Variants in SLC24A3 observed in about 807,000 individuals in gnomAD.
SLC24A3 encodes the protein solute carrier family 24 member 3, also known as sodium/potassium/calcium exchanger 3.
SLC24A3 carries 28 observed loss-of-function variants against 75.8 expected under a neutral mutation model. That is an observed-to-expected ratio of 0.37 (90% CI 0.27 to 0.51). The LOEUF is 0.51. Ranked by LOEUF, SLC24A3 falls within the 20% of genes least tolerant of loss-of-function variation. The pLI is 0.94. For synonymous variants in SLC24A3, 372 were observed against 334.1 expected, an observed-to-expected ratio of 1.11 and a Z score of -1.24; for missense variants, 663 against 847.8, an observed-to-expected ratio of 0.78 and a Z score of 2.71.
At chr20:19,460,529 G>A (rs906489592) in intron 2 of SLC24A3, among the ~76,000 whole-genome samples, 5 of 152,184 alleles carry the variant, frequency 3.3e-5, no homozygotes, top group African/African-American at 1.2e-4. Flanking sequence ...TGCGTGCTTT[G>A]TGGTGCAATG....
chr20:19,382,252 G>A (rs1210853690), intron 2 of SLC24A3, among the ~76,000 whole-genome samples: 1 of 152,100 alleles, frequency 6.6e-6, no homozygotes, highest in Non-Finnish European at 1.5e-5. Context: ...CTTATCTGTG[G>A]GCGGAAATGC....
At chr20:19,620,181 G>A (rs2031785333) in intron 6 of SLC24A3, among the ~76,000 whole-genome samples, 1 of 152,144 alleles carries the variant, frequency 6.6e-6, no homozygotes, top group Admixed American at 6.5e-5. Context: ...ATCCACCCAT[G>A]ACACCTTTAC....
chr20:19,326,872 A>C (rs974953251), intron 2 of SLC24A3, among the ~76,000 whole-genome samples: 1 of 152,108 alleles, frequency 6.6e-6, no homozygotes, highest in African/African-American at 2.4e-5. Flanking sequence ...AAAATACAGA[A>C]CAAAGCTTGT....
intron 1 of SLC24A3, among the ~76,000 whole-genome samples, chr20:19,262,354 G>A (rs1203649411): frequency 8.3e-5 from 12 of 144,050 alleles, no homozygotes; most frequent in African/African-American, 2.1e-4. Context: ...GCAGTGAGCC[G>A]AGATCGCGCC....
chr20:19,549,957 A>T (rs1264293901), intron 3 of SLC24A3, among the ~76,000 whole-genome samples: 1 of 152,238 alleles, frequency 6.6e-6, no homozygotes, highest in Non-Finnish European at 1.5e-5. Flanking sequence ...GAAAAACTAC[A>T]TAACCTTCCA....
intron 2 of SLC24A3, among the ~76,000 whole-genome samples, chr20:19,465,642 C>T (rs1367562839): frequency 6.6e-6 from 1 of 152,138 alleles, no homozygotes; most frequent in African/African-American, 2.4e-5. Flanking sequence ...TCTCTGCAGA[C>T]CAACTGTGGC....
At chr20:19,545,757 A>T (rs1015138372) in intron 3 of SLC24A3, among the ~76,000 whole-genome samples, 1 of 151,816 alleles carries the variant, frequency 6.6e-6, no homozygotes, top group South Asian at 2.1e-4. Flanking sequence ...GAGGAGTCAA[A>T]GAACAGTGTA....
intron 2 of SLC24A3, among the ~76,000 whole-genome samples, chr20:19,446,234 C>G (rs998011245): frequency 6.6e-6 from 1 of 152,102 alleles, no homozygotes; most frequent in Non-Finnish European, 1.5e-5. Flanking sequence ...GTTCTGGGAG[C>G]CTTTTAATTA....
chr20:19,528,258 A>G (rs1279558830), intron 3 of SLC24A3, among the ~76,000 whole-genome samples: 1 of 152,144 alleles, frequency 6.6e-6, no homozygotes, highest in Non-Finnish European at 1.5e-5. Context: ...TTGGAACCGG[A>G]TCCCAAAGTG....
intron 2 of SLC24A3, among the ~76,000 whole-genome samples, chr20:19,304,198 A>G (rs1227837044): frequency 6.6e-6 from 1 of 152,232 alleles, no homozygotes; most frequent in East Asian, 1.9e-4. Context: ...ATCAAGTTTT[A>G]CAAATTTACC....
chr20:19,698,370 G>A (rs2032834644), intron 14 of SLC24A3, among the ~76,000 whole-genome samples, 198 bp from the exon 15 acceptor site: 1 of 152,222 alleles, frequency 6.6e-6, no homozygotes, highest in Non-Finnish European at 1.5e-5. Flanking sequence ...TGAAGTAAAG[G>A]TCAACCATTC....
chr20:19,251,042 C>T (rs1982638995), intron 1 of SLC24A3, among the ~76,000 whole-genome samples: 4 of 152,188 alleles, frequency 2.6e-5, no homozygotes, highest in South Asian at 2.1e-4. Context: ...ACATGCCAGC[C>T]ACCACTCTTC....
chr20:19,708,379 G>A (rs2032951802), intron 15 of SLC24A3, among the ~76,000 whole-genome samples: 1 of 152,202 alleles, frequency 6.6e-6, no homozygotes, highest in Non-Finnish European at 1.5e-5. Context: ...GAACCCATCA[G>A]TTCTTGATGT....
At chr20:19,276,278 C>T (rs1156380642) in intron 1 of SLC24A3, among the ~76,000 whole-genome samples, 2 of 152,160 alleles carry the variant, frequency 1.3e-5, no homozygotes, top group Admixed American at 1.3e-4. Context: ...GTGAGTTGCA[C>T]GCAGTGGGAC....
chr20:19,621,068 A>G, intron 6 of SLC24A3, among the ~76,000 whole-genome samples: 1 of 152,172 alleles, frequency 6.6e-6, no homozygotes, highest in Non-Finnish European at 1.5e-5. Context: ...TGGAGAGTTC[A>G]TTTTCTAGAC....
chr20:19,652,643 G>C (rs2032220575), intron 6 of SLC24A3, among the ~76,000 whole-genome samples: 2 of 152,202 alleles, frequency 1.3e-5, no homozygotes, highest in Non-Finnish European at 2.9e-5. Context: ...TGTTCATATA[G>C]GAAGTGGGGA....
intron 6 of SLC24A3, among the ~76,000 whole-genome samples, chr20:19,586,392 G>A (rs887681243): frequency 2.6e-5 from 4 of 152,150 alleles, no homozygotes; most frequent in African/African-American, 9.7e-5. Flanking sequence ...AGCTCATGGA[G>A]GCTACTCCAC....
intron 3 of SLC24A3, among the ~76,000 whole-genome samples, chr20:19,564,693 C>T (rs2030928177): frequency 1.3e-5 from 2 of 152,170 alleles, no homozygotes; most frequent in Non-Finnish European, 2.9e-5. Flanking sequence ...ACACAATCTA[C>T]ATACTAGCAA....
intron 3 of SLC24A3, among the ~76,000 whole-genome samples, chr20:19,530,354 C>CCT (rs371909622): frequency 4.9e-4 from 74 of 152,198 alleles, no homozygotes; most frequent in African/African-American, 1.7e-3. Flanking sequence ...GTGCCGAGGG[C>CCT]CTCTCTCTCT....
Sources: gnomAD v4.1 joint callset for allele counts (sites outside exome capture counted in the v4.1 genomes callset) on GRCh38, gnomAD v4.1.1 for gene constraint, MANE v1.5 for transcripts, NCBI Gene and HGNC (gene_info 2026-07-23, HGNC 2026-07-21) for gene names.